Variants in TBC1D32 observed in about 807,000 individuals in gnomAD.
The protein encoded by TBC1D32 is protein broad-minded.
TBC1D32 carries 151 observed loss-of-function variants against 170.3 expected under a neutral mutation model. The ratio of observed to expected loss-of-function variants is 0.89; its 90% CI spans 0.78 to 1.01. TBC1D32 has a LOEUF of 1.01. Ranked by LOEUF, TBC1D32 falls within the 50% of genes least tolerant of loss-of-function variation. TBC1D32 has a pLI of 0.00. For synonymous variants in TBC1D32, 498 were observed against 488.0 expected, an observed-to-expected ratio of 1.02 and a Z score of -0.27; for missense variants, 1,464 against 1,457.1, an observed-to-expected ratio of 1.00 and a Z score of -0.08.
chr6:121,113,226 A>C (rs764351875), intron 27 of TBC1D32, 49 bp from the exon 28 acceptor site: 1 of 1,249,410 alleles, frequency 8.0e-7, no homozygotes, highest in Non-Finnish European at 1.1e-6. Flanking sequence ...CTTGCATTGA[A>C]TGTTTTAAAA....
intron 17 of TBC1D32, among the ~76,000 whole-genome samples, chr6:121,244,738 T>G (rs1013155926): frequency 4.6e-5 from 7 of 152,290 alleles, no homozygotes; most frequent in African/African-American, 1.7e-4. Context: ...GGCAATACAG[T>G]ATGCTAAATT....
intron 26 of TBC1D32, among the ~76,000 whole-genome samples, chr6:121,123,996 C>G (rs374889491): frequency 6.6e-6 from 1 of 151,890 alleles, no homozygotes; most frequent in Non-Finnish European, 1.5e-5. Context: ...TTCCTTTCTA[C>G]CACCATTTTG....
chr6:121,285,333 T>C lies in TBC1D32; in HGVS notation c.1373-1423A>G, dbSNP rs374172678. 2.6e-5 allele frequency among the ~76,000 whole-genome samples: 4 copies of C among 152,232 alleles called. No individual in the cohort carries two copies. In the East Asian group the frequency reaches 5.8e-4, roughly 22 times the overall value. On this transcript the variant is annotated intron_variant, in intron 12 of 31. Coordinates refer to ENST00000398212, the MANE Select transcript of TBC1D32 (RefSeq NM_152730.6). ...GCTAACCAGTATAAACTTCTAAGTG[T>C]CCTCTCCTGGTTGAGTCATACAGAA...
At chr6:121,155,330 G>A (rs1562693792) in intron 24 of TBC1D32, among the ~76,000 whole-genome samples, 1 of 152,036 alleles carries the variant, frequency 6.6e-6, no homozygotes, top group Non-Finnish European at 1.5e-5. Context: ...TAGAAAAGCT[G>A]ACTTTTGTTC....
chr6:121,270,181 C>T (rs536335867), intron 15 of TBC1D32, among the ~76,000 whole-genome samples: 11 of 151,744 alleles, frequency 7.2e-5, no homozygotes, highest in African/African-American at 2.7e-4. Context: ...AAATTGACAC[C>T]CTAACATCAC....
At chr6:121,157,091 A>C (rs996410922) in intron 24 of TBC1D32, among the ~76,000 whole-genome samples, 2 of 152,084 alleles carry the variant, frequency 1.3e-5, no homozygotes, top group South Asian at 4.1e-4. Flanking sequence ...TGATCTGCCT[A>C]ATGTTGTCAA....
chr6:121,325,228 A>G (rs1187247334), intron 1 of TBC1D32, among the ~76,000 whole-genome samples: 3 of 151,618 alleles, frequency 2.0e-5, no homozygotes, highest in Non-Finnish European at 2.9e-5. Context: ...AAAAAAAAAA[A>G]GCTCTTTGTT....
chr6:121,306,358 TACA>T (rs1195630827), intron 5 of TBC1D32, among the ~76,000 whole-genome samples: 2 of 152,230 alleles, frequency 1.3e-5, no homozygotes, highest in Non-Finnish European at 1.5e-5. Flanking sequence ...TAAATTTTTC[TACA>T]ACTATTTATT....
intron 31 of TBC1D32, among the ~76,000 whole-genome samples, chr6:121,087,561 G>A (rs1256373555): frequency 1.3e-5 from 2 of 152,124 alleles, no homozygotes; most frequent in South Asian, 4.1e-4. Flanking sequence ...ATCAGGAAAA[G>A]AATTGTGTAT....
At chr6:121,097,846 C>A (rs4946537) in intron 30 of TBC1D32, among the ~76,000 whole-genome samples, 29,334 of 151,926 alleles carry the variant, frequency 0.19, 3,932 homozygotes, top group African/African-American at 0.36. Context: ...CACATATACA[C>A]CATGGAATAG....
chr6:121,181,283 G>C (rs1182107873), intron 22 of TBC1D32, among the ~76,000 whole-genome samples: 1 of 152,020 alleles, frequency 6.6e-6, no homozygotes, highest in Admixed American at 6.6e-5. Flanking sequence ...TTTTGGAGGA[G>C]AGCCTGGTGG....
chr6:121,155,898 GC>G (rs1459445702), intron 24 of TBC1D32, among the ~76,000 whole-genome samples: 2 of 152,012 alleles, frequency 1.3e-5, no homozygotes, highest in Non-Finnish European at 2.9e-5. Flanking sequence ...ATAAAAATAT[GC>G]TGCTGGATTT....
At chr6:121,204,682 C>T (rs553021813) in intron 22 of TBC1D32, among the ~76,000 whole-genome samples, 1 of 151,386 alleles carries the variant, frequency 6.6e-6, no homozygotes, top group African/African-American at 2.5e-5. Context: ...ATGATTAACA[C>T]CAAAGAGCAA....
At chr6:121,321,985 A>G (rs1223459332) in intron 1 of TBC1D32, among the ~76,000 whole-genome samples, 191 bp from the exon 2 acceptor site, 1 of 152,064 alleles carries the variant, frequency 6.6e-6, no homozygotes, top group Admixed American at 6.6e-5. Flanking sequence ...GGCAAAAATC[A>G]TCATTTAAAG....
chr6:121,240,896 A>AG (rs1194445490), intron 19 of TBC1D32, among the ~76,000 whole-genome samples: 2 of 151,746 alleles, frequency 1.3e-5, no homozygotes, highest in African/African-American at 4.8e-5. Flanking sequence ...AAAAAAAAAA[A>AG]AAGACATACT....
intron 31 of TBC1D32, 109 bp downstream of exon 31, chr6:121,090,744 T>C: frequency 1.0e-6 from 1 of 963,376 alleles, no homozygotes; most frequent in South Asian, 1.6e-5. Flanking sequence ...TATCTACCTC[T>C]CACCATTGGT....
At chr6:121,096,323 A>AAGCTGATAAGCAACTTC (rs1385752098) in intron 30 of TBC1D32, 1 of 152,052 alleles carries the variant, frequency 6.6e-6, no homozygotes, top group Admixed American at 6.6e-5. Context: ...AAATCTCCTT[A>AAGCTGATAAGCAACTTC]AGCTGATAAG....
Position 121,109,595 on chromosome 6 carries a change from T to C in TBC1D32, c.3324+2910A>G, listed in dbSNP as rs1164495663. 6.6e-5 allele frequency among the ~76,000 whole-genome samples: 10 copies of C among 152,152 alleles called. No homozygotes were observed. In the East Asian group the frequency reaches 1.9e-3, roughly 29 times the overall value. On this transcript the variant is annotated intron_variant, in intron 29 of 31. Coordinates refer to ENST00000398212, the MANE Select transcript of TBC1D32 (RefSeq NM_152730.6). ...ATGTTAACAACTGGCCAAACTCTGA[T>C]TCTTGATCAAACTCCATAAAGAATA...
rs368435376 is a variant in TBC1D32 at position 121,110,767 on chromosome 6, T to C, written c.3324+1738A>G. ...ATAGGGGAAATAGCAATTCAAAAGA[T>C]TGTTAGTCAAAAACATTTATACTGT... On this transcript the variant is annotated intron_variant, in intron 29 of 31. Transcript: ENST00000398212. Among the ~76,000 whole-genome samples the C allele has an allele frequency of 5.3e-5, 8 of 152,262 alleles. No homozygotes were observed. The South Asian group carries it at 6.2e-4, about 12-fold the overall frequency.
Sources: allele counts gnomAD v4.1 joint callset (sites outside exome capture counted in the v4.1 genomes callset), GRCh38; gene constraint gnomAD v4.1.1; transcripts MANE v1.5; gene names NCBI Gene and HGNC (gene_info 2026-07-23, HGNC 2026-07-21).